The following HIVEP3 variants were observed in gnomAD, a reference collection of about 807,000 sequenced individuals.
HIVEP3 encodes HIVEP zinc finger 3.
In HIVEP3, 49 loss-of-function variants were observed where a neutral mutation model predicts 152.8. The observed-to-expected ratio is 0.32, with a 90% confidence interval of 0.26 to 0.41. The LOEUF (loss-of-function observed/expected upper bound fraction) is 0.41. Ranked by LOEUF, HIVEP3 falls within the 10% of genes least tolerant of loss-of-function variation. The pLI is 1.00. For missense variants in HIVEP3, 2,790 were observed against 3,103.3 expected, an observed-to-expected ratio of 0.90 and a Z score of 2.40; for synonymous variants, 1,269 against 1,289.0, an observed-to-expected ratio of 0.98 and a Z score of 0.33.
At chr1:42,001,766 A>C (rs185928641) in intron 1 of HIVEP3, among the ~76,000 whole-genome samples, 6 of 152,284 alleles carry the variant, frequency 3.9e-5, no homozygotes, top group Admixed American at 3.3e-4. Context: ...ACTGCTTGGT[A>C]AAATATTGAA....
At chr1:41,605,950 G>A (rs1644817531) in intron 3 of HIVEP3, among the ~76,000 whole-genome samples, 1 of 152,192 alleles carries the variant, frequency 6.6e-6, no homozygotes, top group South Asian at 2.1e-4. Context: ...TGTCTGGAAT[G>A]GTAGGACAGA....
At chr1:41,893,544 G>A (rs1272278788) in intron 1 of HIVEP3, among the ~76,000 whole-genome samples, 1 of 151,378 alleles carries the variant, frequency 6.6e-6, no homozygotes, top group East Asian at 1.9e-4. Flanking sequence ...CTCACAACAA[G>A]GAATCATCTG....
In HIVEP3 at chr1:41,513,036, C is replaced by A; in HGVS notation, c.6185G>T (p.Gly2062Val). The A allele has an allele frequency of 6.2e-7, 1 of 1,613,692 alleles. No homozygotes were observed. The highest frequency in any genetic ancestry group is 8.5e-7 in the Non-Finnish European group (1 of 1,179,842). Residue 2062 changes from glycine (G) to valine (V), a missense_variant, in exon 8 of 9, where the codon GGC becomes GTC. Around this residue, in one of 9 missense-constraint regions of HIVEP3, gnomAD observed 816 missense variants for 806.5 expected, o/e 1.01. Coordinates refer to ENST00000372583, the MANE Select transcript of HIVEP3 (RefSeq NM_024503.5). ...CCTGGTGGGCGAGTATCTGGGGAGG[C>A]CTGGGTCGGTGGTACCCTCGAGTTT... The part of the protein sequence containing the change: ...LSKLEGTTDP[G>V]LPRYSPTRRW...
intron 1 of HIVEP3, among the ~76,000 whole-genome samples, chr1:41,870,403 ACTGT>A (rs1159162610): frequency 6.6e-6 from 1 of 152,188 alleles, no homozygotes; most frequent in Non-Finnish European, 1.5e-5. Flanking sequence ...ATACTGATTT[ACTGT>A]CTGTCACCCT....
At chr1:41,636,169 A>G (rs568806963) in intron 2 of HIVEP3, among the ~76,000 whole-genome samples, 1 of 152,320 alleles carries the variant, frequency 6.6e-6, no homozygotes, top group African/African-American at 2.4e-5. Flanking sequence ...GATGAGTAAC[A>G]AACAAATCCG....
At chr1:41,880,278 C>T (rs1412774082) in intron 1 of HIVEP3, among the ~76,000 whole-genome samples, 1 of 152,106 alleles carries the variant, frequency 6.6e-6, no homozygotes, top group African/African-American at 2.4e-5. Flanking sequence ...TAGGCTCAAG[C>T]AATGCCCCCA....
chr1:41,689,150 G>A (rs1646157347), intron 2 of HIVEP3, among the ~76,000 whole-genome samples: 1 of 152,192 alleles, frequency 6.6e-6, no homozygotes, highest in African/African-American at 2.4e-5. Context: ...ACAGCACAAG[G>A]TACGTATTGA....
intron 1 of HIVEP3, among the ~76,000 whole-genome samples, chr1:41,982,197 T>C (rs1254008769): frequency 1.3e-5 from 2 of 152,176 alleles, no homozygotes. Flanking sequence ...ATCATCCACG[T>C]CAAAGGGGCT....
intron 6 of HIVEP3, among the ~76,000 whole-genome samples, chr1:41,518,817 GTTT>G (rs35277923): frequency 1.5e-5 from 2 of 134,696 alleles, no homozygotes; most frequent in Admixed American, 7.4e-5. Flanking sequence ...AGTGCAATAG[GTTT>G]TTTTTTTTTT....
At chr1:42,009,066 G>A (rs1645478675) in intron 1 of HIVEP3, among the ~76,000 whole-genome samples, 1 of 152,130 alleles carries the variant, frequency 6.6e-6, no homozygotes, top group Non-Finnish European at 1.5e-5. Flanking sequence ...AATAACAGAA[G>A]AATCAGGAAT....
chr1:41,851,823 C>T (rs1643610818), intron 1 of HIVEP3, among the ~76,000 whole-genome samples: 3 of 152,130 alleles, frequency 2.0e-5, no homozygotes, highest in Non-Finnish European at 4.4e-5. Flanking sequence ...TGTCCTTTCG[C>T]ACAGAAAGCA....
chr1:41,772,736 C>T (rs1648454381), intron 1 of HIVEP3, among the ~76,000 whole-genome samples: 1 of 152,024 alleles, frequency 6.6e-6, no homozygotes, highest in Admixed American at 6.6e-5. Context: ...ATGGCAAAAC[C>T]CCATCTCTAC....
intron 1 of HIVEP3, among the ~76,000 whole-genome samples, chr1:41,708,843 T>C (rs1336868589): frequency 6.6e-6 from 1 of 152,230 alleles, no homozygotes; most frequent in Non-Finnish European, 1.5e-5. Flanking sequence ...AGTAGCCATG[T>C]CATCCCCCAT....
intron 1 of HIVEP3, among the ~76,000 whole-genome samples, chr1:41,785,797 G>A (rs1649312668): frequency 6.6e-6 from 1 of 152,226 alleles, no homozygotes; most frequent in African/African-American, 2.4e-5. Flanking sequence ...AGGAGTTCAA[G>A]ACCAGCCTGG....
intron 1 of HIVEP3, among the ~76,000 whole-genome samples, chr1:41,883,482 C>T (rs1446890709): frequency 2.6e-5 from 4 of 152,146 alleles, no homozygotes; most frequent in East Asian, 1.9e-4. Context: ...CACTCTCCTG[C>T]GAAATGCTTG....
At chr1:41,674,927 T>C (rs867913104) in intron 2 of HIVEP3, among the ~76,000 whole-genome samples, 15 of 152,036 alleles carry the variant, frequency 9.9e-5, no homozygotes, top group African/African-American at 2.9e-4. Context: ...ACTCCCCTTT[T>C]CCCCCACACA....
intron 3 of HIVEP3, among the ~76,000 whole-genome samples, chr1:41,618,594 T>C (rs1645002618): frequency 6.6e-6 from 1 of 152,096 alleles, no homozygotes; most frequent in Non-Finnish European, 1.5e-5. Flanking sequence ...TTCTTTCCCT[T>C]TCGGTGGTGT....
In HIVEP3 at chr1:41,682,630, G is replaced by A. The variant is rs1266379400; in HGVS notation, c.-721+18286C>T. Among the ~76,000 whole-genome samples, 5 of 152,158 alleles carry A rather than the reference G, an allele frequency of 3.3e-5. No individual in the cohort carries two copies. In the South Asian group the frequency reaches 1.0e-3, roughly 32 times the overall value. On this transcript the variant is annotated intron_variant, in intron 2 of 8. Transcript: ENST00000372583. Reference sequence around the variant, plus strand: ...TCAGAGTGGAAACTGACGCCCAGCCGGGGACAGGTGGTGCCTAGGGATGCA... The same window carrying A: ...TCAGAGTGGAAACTGACGCCCAGCCAGGGACAGGTGGTGCCTAGGGATGCA...
At chr1:41,826,660 G>A (rs1570618343) in intron 1 of HIVEP3, among the ~76,000 whole-genome samples, 1 of 152,222 alleles carries the variant, frequency 6.6e-6, no homozygotes, top group East Asian at 1.9e-4. Flanking sequence ...TTTGAAGCAA[G>A]GAGGAGGTTT....
Sources: gnomAD v4.1 joint callset for allele counts (sites outside exome capture counted in the v4.1 genomes callset) on GRCh38, gnomAD v4.1.1 for gene constraint, gnomAD v4.1.1 regional missense constraint, MANE v1.5 for transcripts, NCBI Gene and HGNC (gene_info 2026-07-23, HGNC 2026-07-21) for gene names.